Variants in PITPNB observed in about 807,000 individuals in gnomAD.
PITPNB encodes the protein phosphatidylinositol transfer protein beta, also known as phosphatidylinositol transfer protein beta isoform.
PITPNB carries 16 observed loss-of-function variants against 45.9 expected under a neutral mutation model. The ratio of observed to expected loss-of-function variants is 0.35; its 90% CI spans 0.24 to 0.53. PITPNB has a LOEUF of 0.53. PITPNB is among the 20% of genes least tolerant of loss of function. The pLI, the probability that PITPNB is intolerant of heterozygous loss-of-function variation, is 0.93. For synonymous variants in PITPNB, 112 were observed against 108.9 expected, an observed-to-expected ratio of 1.03 and a Z score of -0.18; for missense variants, 188 against 330.5, an observed-to-expected ratio of 0.57 and a Z score of 3.34.
intron 2 of PITPNB, among the ~76,000 whole-genome samples, chr22:27,913,492 G>C (rs1935993614): frequency 6.6e-6 from 1 of 152,186 alleles, no homozygotes; most frequent in African/African-American, 2.4e-5. Context: ...CTCAGAAGCT[G>C]TTTCTGCTCT....
intron 7 of PITPNB, among the ~76,000 whole-genome samples, chr22:27,878,446 CTTGT>C (rs900803104): frequency 7.2e-5 from 11 of 152,262 alleles, no homozygotes; most frequent in African/African-American, 1.9e-4. Context: ...CATTTACTAA[CTTGT>C]TTAAGAAACT....
chr22:27,917,912 C>T (rs981431098), intron 1 of PITPNB, among the ~76,000 whole-genome samples: 95 of 152,240 alleles, frequency 6.2e-4, no homozygotes, highest in African/African-American at 2.0e-3. Context: ...AAAGGGATTC[C>T]CTGAGAAGGT....
Position 27,854,991 on chromosome 22 carries a change from T to A in PITPNB, c.769-52A>T, listed in dbSNP as rs976271216. ...GCTGAAATCAGACTCTAAATAGGGG[T>A]TAGTAAGCAAGGGGAGAAAAAAGAT... On this transcript the variant is annotated intron_variant, in intron 10 of 11. Coordinates refer to ENST00000335272, the MANE Select transcript of PITPNB (RefSeq NM_012399.5). 47 of 1,277,242 alleles carry A rather than the reference T, an allele frequency of 3.7e-5. No homozygotes were observed. In the African/African-American group the frequency reaches 6.7e-4, roughly 18 times the overall value. 79.1% of individuals were successfully genotyped at this position (1,277,242 alleles called of 1,614,324 possible).
At chr22:27,904,931 A>AT (rs1454597809) in intron 3 of PITPNB, among the ~76,000 whole-genome samples, 1 of 152,248 alleles carries the variant, frequency 6.6e-6, no homozygotes, top group Admixed American at 6.5e-5. Flanking sequence ...TAAAAGGGGA[A>AT]TAATAAATGA....
intron 7 of PITPNB, among the ~76,000 whole-genome samples, chr22:27,880,602 T>A (rs894438887): frequency 2.0e-5 from 3 of 152,082 alleles, no homozygotes; most frequent in Admixed American, 2.0e-4. Context: ...AAGCATTTTG[T>A]ACAAAACATG....
chr22:27,896,394 A>G lies in PITPNB; in HGVS notation c.372+158T>C, dbSNP rs1935432148. On this transcript the variant is annotated intron_variant, in intron 6 of 11. Coordinates refer to ENST00000335272, the MANE Select transcript of PITPNB (RefSeq NM_012399.5). Reference sequence around the variant, plus strand: ...GCAAGCGGACTGATAGGGAAAGCCTATTTGGTTTCTGGCTGCTTGCCCGCC... The same window carrying G: ...GCAAGCGGACTGATAGGGAAAGCCTGTTTGGTTTCTGGCTGCTTGCCCGCC... Among the ~76,000 whole-genome samples, 4 of 152,160 alleles carry G rather than the reference A, an allele frequency of 2.6e-5. 1 individual carries two copies. The South Asian group carries it at 8.3e-4, about 32-fold the overall frequency.
intron 3 of PITPNB, chr22:27,898,129 AT>A: frequency 2.4e-6 from 1 of 422,852 alleles, no homozygotes; most frequent in Non-Finnish European, 4.4e-6. Context: ...TAATCCTAGC[AT>A]TTTGAGAGGC....
chr22:27,895,588 TCAAAAAAAAAAA>T (rs112372027), intron 6 of PITPNB, among the ~76,000 whole-genome samples: 4,194 of 148,572 alleles, frequency 0.028, 63 homozygotes, highest in Non-Finnish European at 0.033. Context: ...AGACTCTGTC[TCAAAAAAAAAAA>T]CAAAAAGAAA....
intron 3 of PITPNB, among the ~76,000 whole-genome samples, chr22:27,898,839 T>C (rs1935511775): frequency 6.6e-6 from 1 of 152,100 alleles, no homozygotes. Flanking sequence ...TCCCAACATA[T>C]AAAGGGGCAA....
chr22:27,919,221 G>T lies in PITPNB; in HGVS notation c.-30C>A. ...CCGGAACCCCCTCACAGCTGCCGCC[G>T]ATACCACCGCCGCCGCCGCCGCTAC... is the stretch of plus-strand genomic sequence containing the variant. On this transcript the variant is annotated 5_prime_UTR_variant, in exon 1 of 12. Coordinates refer to ENST00000335272, the MANE Select transcript of PITPNB (RefSeq NM_012399.5). 1 of 1,592,170 alleles carries T rather than the reference G, an allele frequency of 6.3e-7. No homozygotes were observed. The highest frequency in any genetic ancestry group is 8.6e-7 in the Non-Finnish European group (1 of 1,161,976).
chr22:27,881,161 TG>T (rs1406636059), intron 7 of PITPNB, among the ~76,000 whole-genome samples: 6 of 152,196 alleles, frequency 3.9e-5, no homozygotes, highest in Non-Finnish European at 7.3e-5. Context: ...TCTTTGAAGA[TG>T]GGGGAAAAAT....
At chr22:27,883,858 G>C (rs1935041772) in intron 7 of PITPNB, among the ~76,000 whole-genome samples, 1 of 152,172 alleles carries the variant, frequency 6.6e-6, no homozygotes, top group Non-Finnish European at 1.5e-5. Flanking sequence ...ACCAAACTGG[G>C]GACAGGACGG....
At chr22:27,857,779 G>A (rs2146345964) in intron 10 of PITPNB, among the ~76,000 whole-genome samples, 1 of 152,288 alleles carries the variant, frequency 6.6e-6, no homozygotes, top group East Asian at 1.9e-4. Context: ...ACTGGCTGCC[G>A]GCCCTGCCCA....
At chr22:27,885,331 C>T (rs564969323) in intron 7 of PITPNB, among the ~76,000 whole-genome samples, 59 of 141,498 alleles carry the variant, frequency 4.2e-4, no homozygotes, top group Non-Finnish European at 8.4e-4. Context: ...TTCATCAGGA[C>T]ATTTAAGGAA....
intron 8 of PITPNB, among the ~76,000 whole-genome samples, chr22:27,872,987 G>A (rs1023949947): frequency 1.3e-5 from 2 of 152,212 alleles, no homozygotes; most frequent in African/African-American, 2.4e-5. Context: ...ACAACTACTG[G>A]CTGGGCGCAG....
At chr22:27,858,294 A>G (rs1934228882) in intron 10 of PITPNB, 93 bp downstream of exon 10, 9 of 995,710 alleles carry the variant, frequency 9.0e-6, no homozygotes, top group Non-Finnish European at 1.3e-5. Flanking sequence ...TTTTAACAAC[A>G]CTCTTCCTAA....
At chr22:27,916,940 TAAG>T (rs2146436663) in intron 1 of PITPNB, among the ~76,000 whole-genome samples, 1 of 152,278 alleles carries the variant, frequency 6.6e-6, no homozygotes, top group East Asian at 1.9e-4. Context: ...GACTTGAGAG[TAAG>T]AAGTATCAAT....
At chr22:27,861,024 G>GA (rs35013749) in intron 8 of PITPNB, among the ~76,000 whole-genome samples, 2,789 of 56,892 alleles carry the variant, frequency 0.049, 56 homozygotes, top group African/African-American at 0.075. Flanking sequence ...CCCATTTCTG[G>GA]AAAAAAAAAA....
intron 1 of PITPNB, 28 bp downstream of exon 1, chr22:27,919,144 C>A (rs1477614035): frequency 6.2e-7 from 1 of 1,613,970 alleles, no homozygotes; most frequent in African/African-American, 1.3e-5. Flanking sequence ...CGTCCCACGG[C>A]CTCGCTCGCG....
Sources: gnomAD v4.1 joint callset for allele counts (sites outside exome capture counted in the v4.1 genomes callset) on GRCh38, gnomAD v4.1.1 for gene constraint, MANE v1.5 for transcripts, NCBI Gene and HGNC (gene_info 2026-07-23, HGNC 2026-07-21) for gene names.